The following VWA8 variants were observed in gnomAD, a reference collection of about 807,000 sequenced individuals.
The protein encoded by VWA8 is von Willebrand factor A domain-containing protein 8.
In VWA8, 221 loss-of-function variants were observed where a neutral mutation model predicts 241.5. The observed-to-expected ratio is 0.91, with a 90% CI of 0.82 to 1.02. The LOEUF is 1.02. Ranked by LOEUF, VWA8 falls within the 50% of genes least tolerant of loss-of-function variation. The probability of loss-of-function intolerance (pLI) is 0.00; values close to 1 mark genes in which losing one functional copy is unlikely to be tolerated. For synonymous variants in VWA8, 852 were observed against 827.1 expected (o/e 1.03, Z -0.52); for missense variants, 2,322 against 2,328.7 (o/e 1.00, Z 0.06).
At chr13:41,729,753 G>T in intron 22 of VWA8, 76 bp from the exon 23 acceptor site, 14 of 1,393,798 alleles carry the variant, frequency 1.0e-5, no homozygotes, top group Admixed American at 2.1e-5. Context: ...TTACTGCTTT[G>T]GACTTATAAC....
chr13:41,703,248 T>C, intron 27 of VWA8, 55 bp downstream of exon 27: 3 of 1,422,920 alleles, frequency 2.1e-6, no homozygotes, highest in Non-Finnish European at 3.0e-6. Context: ...CCAGGGAAGA[T>C]ACAGCAAAAT....
intron 37 of VWA8, among the ~76,000 whole-genome samples, chr13:41,622,767 A>G (rs572125797): frequency 6.6e-6 from 1 of 152,356 alleles, no homozygotes; most frequent in South Asian, 2.1e-4. Flanking sequence ...GGCAAGGCCC[A>G]TATATTTTAG....
chr13:41,821,206 A>G (rs1382282820), intron 14 of VWA8, among the ~76,000 whole-genome samples: 1 of 152,198 alleles, frequency 6.6e-6, no homozygotes, highest in Non-Finnish European at 1.5e-5. Context: ...ACTGGCCCAT[A>G]TATTGTCAAT....
chr13:41,829,556 CACACACACACAT>C (rs1379361031), intron 14 of VWA8, among the ~76,000 whole-genome samples: 4 of 144,792 alleles, frequency 2.8e-5, no homozygotes, highest in African/African-American at 5.0e-5. Context: ...CACACACACA[CACACACACACAT>C]GCACACACAC....
chr13:41,938,442 G>A (rs903080976), intron 2 of VWA8, among the ~76,000 whole-genome samples: 1 of 151,712 alleles, frequency 6.6e-6, no homozygotes, highest in Non-Finnish European at 1.5e-5. Flanking sequence ...CATGAGGTCA[G>A]GAGTTTGAGA....
At chr13:41,787,882 T>C (rs1429781380) in intron 17 of VWA8, among the ~76,000 whole-genome samples, 1 of 152,146 alleles carries the variant, frequency 6.6e-6, no homozygotes, top group East Asian at 1.9e-4. Context: ...TTTTCTTAAG[T>C]AGATTAAACA....
intron 37 of VWA8, among the ~76,000 whole-genome samples, chr13:41,649,469 T>C (rs2044854920): frequency 1.3e-5 from 2 of 152,220 alleles, no homozygotes; most frequent in East Asian, 1.9e-4. Flanking sequence ...ATGAATAATA[T>C]ATGAATTATA....
Position 41,601,932 on chromosome 13 carries a change from G to A in VWA8, c.4986+3236C>T, listed in dbSNP as rs79890268. Among the ~76,000 whole-genome samples, 830 of 152,144 alleles carry A rather than the reference G, an allele frequency of 5.5e-3. 13 individuals carry two copies. The highest frequency in any genetic ancestry group is 0.019 in the African/African-American group (789 of 41,518). Reference sequence around the variant, plus strand: ...CTAGTTCCTGGCCAAACTTTGTGCCGTTCACCAAGGAAACACCCATGGTTA... The same window carrying A: ...CTAGTTCCTGGCCAAACTTTGTGCCATTCACCAAGGAAACACCCATGGTTA... On this transcript the variant is annotated intron_variant, in intron 40 of 44. Coordinates refer to ENST00000379310, the MANE Select transcript of VWA8 (RefSeq NM_015058.2).
chr13:41,742,428 A>G (rs1200997637), intron 21 of VWA8, among the ~76,000 whole-genome samples: 2 of 152,222 alleles, frequency 1.3e-5, no homozygotes, highest in African/African-American at 4.8e-5. Flanking sequence ...AATTGTGATA[A>G]AAAATGACAG....
At chr13:41,882,505 C>T (rs1212258222) in intron 9 of VWA8, among the ~76,000 whole-genome samples, 2 of 152,238 alleles carry the variant, frequency 1.3e-5, no homozygotes, top group Non-Finnish European at 2.9e-5. Context: ...GCACTCCAGC[C>T]TGGGCACCAT....
At chr13:41,857,546 T>C (rs1162371281) in intron 12 of VWA8, among the ~76,000 whole-genome samples, 3 of 152,224 alleles carry the variant, frequency 2.0e-5, no homozygotes, top group Non-Finnish European at 4.4e-5. Context: ...TTCTATACAA[T>C]GTATAATATT....
At chr13:41,925,969 C>A in intron 2 of VWA8, 1 of 385,882 alleles carries the variant, frequency 2.6e-6, no homozygotes, top group Non-Finnish European at 5.0e-6. Flanking sequence ...AATGATGTCA[C>A]CTTAAAGGTG....
At chr13:41,956,176 T>C (rs1248679953) in intron 1 of VWA8, among the ~76,000 whole-genome samples, 1 of 152,200 alleles carries the variant, frequency 6.6e-6, no homozygotes, top group Non-Finnish European at 1.5e-5. Flanking sequence ...CTGTGTGTCA[T>C]GGACTGTTTA....
intron 12 of VWA8, among the ~76,000 whole-genome samples, chr13:41,846,086 T>A (rs1391569083): frequency 6.6e-6 from 1 of 151,982 alleles, no homozygotes; most frequent in Non-Finnish European, 1.5e-5. Context: ...CCCTACATTG[T>A]CCTGGCTAAC....
intron 2 of VWA8, among the ~76,000 whole-genome samples, chr13:41,939,080 T>A (rs1238011519): frequency 6.6e-6 from 1 of 152,174 alleles, no homozygotes; most frequent in Non-Finnish European, 1.5e-5. Context: ...GGGCCCTAAT[T>A]GCTTGGATAA....
intron 43 of VWA8, among the ~76,000 whole-genome samples, chr13:41,573,506 T>TATATAC (rs1439940851): frequency 1.1e-4 from 15 of 141,638 alleles, no homozygotes; most frequent in African/African-American, 3.5e-4. Context: ...TATATATATA[T>TATATAC]ACCTCTCTCT....
intron 42 of VWA8, among the ~76,000 whole-genome samples, chr13:41,580,898 T>C (rs2044377892): frequency 6.6e-6 from 1 of 152,222 alleles, no homozygotes; most frequent in African/African-American, 2.4e-5. Context: ...TGTTTAAGAA[T>C]TGTAATGAGA....
chr13:41,674,446 A>C (rs12872267), intron 36 of VWA8, among the ~76,000 whole-genome samples: 3,257 of 152,234 alleles, frequency 0.021, 43 homozygotes, highest in South Asian at 0.063. Context: ...TGATTGCAAT[A>C]TAGGTCAAAA....
intron 21 of VWA8, among the ~76,000 whole-genome samples, chr13:41,741,100 T>G (rs970736968): frequency 6.6e-6 from 1 of 152,202 alleles, no homozygotes. Context: ...TAACACTATG[T>G]AAAATACTTA....
Sources: allele counts gnomAD v4.1 joint callset (sites outside exome capture counted in the v4.1 genomes callset), GRCh38; gene constraint gnomAD v4.1.1; transcripts MANE v1.5; gene names NCBI Gene and HGNC (gene_info 2026-07-23, HGNC 2026-07-21).